SEPTIN7: variants seen among roughly 807,000 people sequenced by gnomAD.
SEPTIN7 encodes the protein septin 7.
SEPTIN7 carries 10 observed loss-of-function variants against 63.3 expected under a neutral mutation model. The observed-to-expected ratio is 0.16, with a 90% CI of 0.10 to 0.27. The LOEUF (loss-of-function observed/expected upper bound fraction) is 0.27. Ranked by LOEUF, SEPTIN7 falls within the 10% of genes least tolerant of loss-of-function variation. The pLI is 1.00. For synonymous variants in SEPTIN7, 131 were observed against 165.3 expected, an observed-to-expected ratio of 0.79 and a Z score of 1.59; for missense variants, 310 against 521.0, an observed-to-expected ratio of 0.59 and a Z score of 3.94.
At chr7:35,843,611 A>G (rs1325787137) in intron 3 of SEPTIN7, among the ~76,000 whole-genome samples, 1 of 152,236 alleles carries the variant, frequency 6.6e-6, no homozygotes, top group Non-Finnish European at 1.5e-5. Context: ...AAAAATTAGT[A>G]AAATTGTTAT....
chr7:35,876,569 G>T (rs1175500160), intron 6 of SEPTIN7, among the ~76,000 whole-genome samples: 1 of 152,152 alleles, frequency 6.6e-6, no homozygotes, highest in Non-Finnish European at 1.5e-5. Flanking sequence ...CAGATGCAAT[G>T]GCTTACGCCT....
chr7:35,839,334 G>C (rs1443742351), intron 3 of SEPTIN7, among the ~76,000 whole-genome samples: 2 of 151,344 alleles, frequency 1.3e-5, no homozygotes, highest in African/African-American at 2.5e-5. Flanking sequence ...AATGTTTCCA[G>C]CTGTGGCTAT....
chr7:35,880,711 C>T (rs1260239801), intron 7 of SEPTIN7, among the ~76,000 whole-genome samples: 1 of 151,886 alleles, frequency 6.6e-6, no homozygotes, highest in African/African-American at 2.4e-5. Context: ...GTGCACTTTA[C>T]GGGATATTTA....
intron 1 of SEPTIN7, among the ~76,000 whole-genome samples, chr7:35,814,772 A>C (rs1461528580): frequency 6.6e-6 from 1 of 151,998 alleles, no homozygotes; most frequent in Non-Finnish European, 1.5e-5. Context: ...TCAGGAGATC[A>C]AGACCATCCT....
At chr7:35,891,217 G>A (rs970760942) in intron 11 of SEPTIN7, among the ~76,000 whole-genome samples, 4 of 152,162 alleles carry the variant, frequency 2.6e-5, no homozygotes, top group African/African-American at 9.7e-5. Flanking sequence ...CGAAAAAAGA[G>A]ATGTGTGAGG....
intron 11 of SEPTIN7, among the ~76,000 whole-genome samples, chr7:35,896,283 T>G (rs1787956476): frequency 6.6e-6 from 1 of 152,198 alleles, no homozygotes; most frequent in Non-Finnish European, 1.5e-5. Flanking sequence ...GATTTCTAAT[T>G]TAATATATTT....
intron 3 of SEPTIN7, among the ~76,000 whole-genome samples, chr7:35,846,491 G>A (rs2116018643): frequency 6.6e-6 from 1 of 152,306 alleles, no homozygotes; most frequent in East Asian, 1.9e-4. Context: ...CCAATATTGA[G>A]TGGAAATCTC....
intron 3 of SEPTIN7, 50 bp from the exon 4 acceptor site, chr7:35,863,502 A>AT: frequency 9.0e-7 from 1 of 1,106,488 alleles, no homozygotes; most frequent in South Asian, 1.4e-5. Context: ...AATATTTAAG[A>AT]TTGCGTAAAG....
At chr7:35,829,343 T>C (rs946779818) in intron 1 of SEPTIN7, among the ~76,000 whole-genome samples, 4 of 152,048 alleles carry the variant, frequency 2.6e-5, no homozygotes, top group Non-Finnish European at 5.9e-5. Flanking sequence ...GGTTTCACCA[T>C]GTTGCCCAGG....
chr7:35,803,770 T>A (rs1373915059), intron 1 of SEPTIN7, among the ~76,000 whole-genome samples: 1 of 152,208 alleles, frequency 6.6e-6, no homozygotes, highest in Non-Finnish European at 1.5e-5. Flanking sequence ...ATAAACTTTA[T>A]TATACAATAG....
intron 11 of SEPTIN7, among the ~76,000 whole-genome samples, chr7:35,896,406 G>T (rs569419229): frequency 6.6e-5 from 10 of 152,050 alleles, no homozygotes; most frequent in Non-Finnish European, 1.2e-4. Context: ...GATTTTTGGG[G>T]TGTTAGGGGA....
intron 11 of SEPTIN7, among the ~76,000 whole-genome samples, chr7:35,893,430 T>C (rs1787768295): frequency 6.6e-6 from 1 of 152,176 alleles, no homozygotes; most frequent in Non-Finnish European, 1.5e-5. Context: ...AATAGTAAAA[T>C]ACATTCATGT....
intron 1 of SEPTIN7, among the ~76,000 whole-genome samples, chr7:35,809,231 T>A (rs1487628456): frequency 6.6e-6 from 1 of 152,246 alleles, no homozygotes; most frequent in Non-Finnish European, 1.5e-5. Flanking sequence ...TTTTCGGATC[T>A]AGAGTCAGAC....
chr7:35,817,686 GTTTATTT>G (rs1789161697), intron 1 of SEPTIN7, among the ~76,000 whole-genome samples: 1 of 151,858 alleles, frequency 6.6e-6, no homozygotes, highest in African/African-American at 2.4e-5. Context: ...AGTATCTTCT[GTTTATTT>G]AGGTCTTCAG....
At chr7:35,831,522 G>GT (rs1195487734) in intron 2 of SEPTIN7, 26 bp downstream of exon 2, 1 of 435,722 alleles carries the variant, frequency 2.3e-6, no homozygotes, top group Non-Finnish European at 4.5e-6. Flanking sequence ...AATTTATAGA[G>GT]TTTTTTTCAG....
chr7:35,808,086 G>C (rs1251533696), intron 1 of SEPTIN7, among the ~76,000 whole-genome samples: 1 of 152,000 alleles, frequency 6.6e-6, no homozygotes, highest in Admixed American at 6.6e-5. Flanking sequence ...TAAAGTGCTG[G>C]GATTACAGGT....
chr7:35,897,123 C>T (rs746406791), intron 11 of SEPTIN7, among the ~76,000 whole-genome samples: 7 of 151,970 alleles, frequency 4.6e-5, no homozygotes, highest in African/African-American at 1.2e-4. Flanking sequence ...GTCTGGTTTT[C>T]GTTTTTAAGC....
At chr7:35,838,529 C>G (rs1479404417) in intron 3 of SEPTIN7, 1 of 151,268 alleles carries the variant, frequency 6.6e-6, no homozygotes, top group Non-Finnish European at 1.5e-5. Flanking sequence ...GCCACCGTGC[C>G]CAGCTAATTT....
intron 3 of SEPTIN7, among the ~76,000 whole-genome samples, chr7:35,851,519 T>A (rs1784958333): frequency 6.6e-6 from 1 of 152,168 alleles, no homozygotes; most frequent in African/African-American, 2.4e-5. Flanking sequence ...TCTTTTTATC[T>A]TGAGTAATTT....
Sources: gnomAD v4.1 joint callset for allele counts (sites outside exome capture counted in the v4.1 genomes callset) on GRCh38, gnomAD v4.1.1 for gene constraint, MANE v1.5 for transcripts, NCBI Gene and HGNC (gene_info 2026-07-23, HGNC 2026-07-21) for gene names.